Variants in KIF20B observed in about 807,000 individuals in gnomAD.
KIF20B encodes kinesin-like protein KIF20B.
A neutral mutation model predicts 232.5 loss-of-function variants in KIF20B; 188 were observed. The observed-to-expected ratio is 0.81, with a 90% CI of 0.72 to 0.91. The LOEUF is 0.91. Among genes scored for constraint, KIF20B ranks in the 40% least tolerant of loss-of-function variants. KIF20B has a pLI of 0.00. For missense variants in KIF20B, 2,154 were observed against 2,055.9 expected (o/e 1.05, Z -0.92); for synonymous variants, 712 against 683.0 (o/e 1.04, Z -0.66).
intron 21 of KIF20B, 98 bp from the exon 22 acceptor site, chr10:89,743,710 A>G: frequency 1.4e-6 from 1 of 734,856 alleles, no homozygotes; most frequent in Non-Finnish European, 2.1e-6. Flanking sequence ...GCTGTAAAGG[A>G]TGTGAATCTT....
chr10:89,755,763 C>CT (rs1247399558), intron 26 of KIF20B, among the ~76,000 whole-genome samples: 2 of 151,488 alleles, frequency 1.3e-5, no homozygotes, highest in Non-Finnish European at 1.5e-5. Context: ...CTAGGTAAAT[C>CT]TTTTATTTTT....
At chr10:89,763,253 C>A (rs748688002) in intron 29 of KIF20B, among the ~76,000 whole-genome samples, 18 of 152,202 alleles carry the variant, frequency 1.2e-4, no homozygotes, top group Non-Finnish European at 2.1e-4. Flanking sequence ...TGCACTCCAG[C>A]CTGGGTGATA....
intron 22 of KIF20B, among the ~76,000 whole-genome samples, chr10:89,745,447 C>G (rs1013923098): frequency 6.6e-6 from 1 of 152,130 alleles, no homozygotes; most frequent in African/African-American, 2.4e-5. Flanking sequence ...CGCTTGAACC[C>G]AGGAGGTGGA....
In KIF20B at chr10:89,772,896, G is replaced by T. The variant is rs900409113; in HGVS notation, c.5385+65G>T. On this transcript the variant is annotated intron_variant, in intron 32 of 32. Coordinates refer to ENST00000371728, the MANE Select transcript of KIF20B (RefSeq NM_001284259.2). The stretch of plus-strand genomic sequence containing the variant: ...CGTGTTCTTTTTAATTTTTTACAGT[G>T]GTTTGAATTTCAATTCTTTAGATCT... 4.3e-6 allele frequency: 6 copies of T among 1,383,348 alleles called. No homozygotes were observed. In the African/African-American group the frequency reaches 8.8e-5, roughly 20 times the overall value. The allele number at this position is 1,383,348 out of a possible 1,614,324, so 85.7% of individuals were successfully genotyped here.
At chr10:89,718,656 G>T in intron 11 of KIF20B, 54 bp from the exon 12 acceptor site, 3 of 1,369,444 alleles carry the variant, frequency 2.2e-6, no homozygotes, top group South Asian at 1.3e-5. Context: ...TCAGCACCCT[G>T]ATTTCATGAG....
chr10:89,742,093 G>T (rs1841808309), intron 21 of KIF20B, among the ~76,000 whole-genome samples: 1 of 151,992 alleles, frequency 6.6e-6, no homozygotes, highest in African/African-American at 2.4e-5. Flanking sequence ...TAAGATCTAT[G>T]GTAAGAACAA....
chr10:89,761,287 G>A (rs562311651), intron 28 of KIF20B, among the ~76,000 whole-genome samples: 54 of 152,042 alleles, frequency 3.6e-4, no homozygotes, highest in Non-Finnish European at 7.4e-4. Context: ...ATACATAAGT[G>A]AATGACTTGT....
intron 19 of KIF20B, among the ~76,000 whole-genome samples, chr10:89,737,044 A>G (rs371609072): frequency 3.3e-5 from 5 of 152,218 alleles, no homozygotes; most frequent in Admixed American, 2.6e-4. Context: ...TCTCTGTCCC[A>G]TATTGAAATG....
At chr10:89,764,687 A>G (rs1842318254) in intron 29 of KIF20B, among the ~76,000 whole-genome samples, 1 of 151,602 alleles carries the variant, frequency 6.6e-6, no homozygotes, top group Non-Finnish European at 1.5e-5. Flanking sequence ...GGCTGCATAA[A>G]TGTCTTCTTT....
At chr10:89,716,313 G>A in intron 8 of KIF20B, 123 bp from the exon 9 acceptor site, 1 of 551,310 alleles carries the variant, frequency 1.8e-6, no homozygotes, top group South Asian at 2.8e-5. Flanking sequence ...ACTCCAGCTA[G>A]GATGTGTTGT....
intron 19 of KIF20B, among the ~76,000 whole-genome samples, chr10:89,735,309 T>C (rs1841624957): frequency 6.6e-6 from 1 of 152,056 alleles, no homozygotes; most frequent in Admixed American, 6.6e-5. Flanking sequence ...TTCAAAAATA[T>C]TACATTTAGG....
At position 89,725,129 on chromosome 10, in the gene KIF20B, G is replaced by A; in HGVS notation, c.1972G>A (p.Asp658Asn). Residue 658 changes from aspartate to asparagine, a missense_variant, in exon 15 of 33, where the codon GAC becomes AAC. Asp to Asn is a conservative substitution (Grantham distance 23). Transcript: ENST00000371728. ...KCDTREEAAKDICATKVETEE... is the reference protein window; with the variant it reads ...KCDTREEAAKNICATKVETEE... ...TGACACTCGAGAAGAAGCAGCGAAA[G>A]ACATTTGTGCCACAAAAGTTGAAAC... 1 of 1,614,004 alleles carries A rather than the reference G, an allele frequency of 6.2e-7. No homozygotes were observed. The highest frequency in any genetic ancestry group is 2.2e-5 in the East Asian group (1 of 44,874).
chr10:89,710,928 T>A (rs1186364391), intron 5 of KIF20B, 33 bp from the exon 6 acceptor site: 1 of 1,560,690 alleles, frequency 6.4e-7, no homozygotes, highest in South Asian at 1.2e-5. Context: ...CCTAGTAGAC[T>A]GAGAGAGTAT....
intron 23 of KIF20B, 21 bp from the exon 24 acceptor site, chr10:89,751,325 A>G: frequency 6.3e-7 from 1 of 1,574,886 alleles, no homozygotes; most frequent in Non-Finnish European, 8.6e-7. Context: ...AATTTCTAAA[A>G]TGTTCTCCCC....
Position 89,738,201 on chromosome 10 carries a change from T to C in KIF20B, c.3360T>C (p.Leu1120=). The C allele has an allele frequency of 4.4e-6, 7 of 1,604,946 alleles. No individual in the cohort carries two copies. The South Asian group carries it at 6.7e-5, about 15-fold the overall frequency. Reference sequence around the variant, plus strand: ...ACCTACTAAAAGAAAAAGAAACTCTTATACAGCAGCTGAAAGAAGAATTGC... The same window carrying C: ...ACCTACTAAAAGAAAAAGAAACTCTCATACAGCAGCTGAAAGAAGAATTGC... The part of the protein sequence containing the change: ...QDDLLKEKET[L]IQQLKEELQE... Residue 1120 remains leucine (L), a synonymous_variant, in exon 20 of 33, where the codon CTT becomes CTC. Transcript: ENST00000371728.
intron 21 of KIF20B, among the ~76,000 whole-genome samples, chr10:89,740,289 T>A (rs1372317998): frequency 2.0e-5 from 3 of 151,712 alleles, no homozygotes; most frequent in East Asian, 3.9e-4. Context: ...TTAAAAAAAA[T>A]TTACTGGTTT....
chr10:89,704,160 A>G (rs1281347599), intron 1 of KIF20B, among the ~76,000 whole-genome samples: 1 of 152,204 alleles, frequency 6.6e-6, no homozygotes, highest in Non-Finnish European at 1.5e-5. Context: ...GCTATTATGC[A>G]AGGGCCATCT....
intron 25 of KIF20B, among the ~76,000 whole-genome samples, chr10:89,753,382 CT>C (rs936774528): frequency 3.3e-5 from 5 of 151,994 alleles, no homozygotes; most frequent in Admixed American, 6.6e-5. Flanking sequence ...ACAAAAACTA[CT>C]TTTTTTGTTA....
chr10:89,730,408 G>C (rs1034452671), intron 18 of KIF20B, among the ~76,000 whole-genome samples: 19 of 151,966 alleles, frequency 1.3e-4, no homozygotes, highest in Admixed American at 3.9e-4. Context: ...CCCCCAATAA[G>C]AAAAAAACAA....
Sources: allele counts gnomAD v4.1 joint callset (sites outside exome capture counted in the v4.1 genomes callset), GRCh38; gene constraint gnomAD v4.1.1; transcripts MANE v1.5; gene names NCBI Gene and HGNC (gene_info 2026-07-23, HGNC 2026-07-21).